EXOC6B: variants seen among roughly 807,000 people sequenced by gnomAD.
EXOC6B encodes SEC15 homolog B.
In EXOC6B, 54 loss-of-function variants were observed where a neutral mutation model predicts 113.5. The observed-to-expected ratio is 0.48, with a 90% CI of 0.38 to 0.60. EXOC6B has a LOEUF of 0.60. EXOC6B is among the 20% of genes least tolerant of loss of function. EXOC6B has a pLI of 0.00. For synonymous variants in EXOC6B, 357 were observed against 339.0 expected (o/e 1.05, Z -0.58); for missense variants, 797 against 977.5 (o/e 0.82, Z 2.46).
chr2:72,564,199 T>C (rs1476848588), intron 7 of EXOC6B, among the ~76,000 whole-genome samples: 1 of 152,136 alleles, frequency 6.6e-6, no homozygotes, highest in Non-Finnish European at 1.5e-5. Flanking sequence ...CACATTAAAA[T>C]AGAAATGCAT....
At chr2:72,740,158 T>C (rs566955588) in intron 2 of EXOC6B, among the ~76,000 whole-genome samples, 1 of 152,266 alleles carries the variant, frequency 6.6e-6, no homozygotes, top group East Asian at 1.9e-4. Context: ...GAATACAATA[T>C]AATGTCTGAC....
chr2:72,496,423 C>T (rs1700035533), intron 14 of EXOC6B, 31 bp downstream of exon 14: 2 of 1,389,698 alleles, frequency 1.4e-6, no homozygotes, highest in South Asian at 1.2e-5. Context: ...GCCAAAACAA[C>T]CAGAGAAATT....
chr2:72,202,637 GA>G (rs1045977939), intron 20 of EXOC6B, among the ~76,000 whole-genome samples: 1 of 147,430 alleles, frequency 6.8e-6, no homozygotes, highest in Non-Finnish European at 1.5e-5. Flanking sequence ...AGCTGTGGGA[GA>G]AAAAAACCTA....
At chr2:72,795,969 G>A (rs958086316) in intron 1 of EXOC6B, among the ~76,000 whole-genome samples, 6 of 151,864 alleles carry the variant, frequency 4.0e-5, no homozygotes, top group Non-Finnish European at 5.9e-5. Flanking sequence ...CTACAGGTGC[G>A]TGCCACCATG....
chr2:72,208,379 C>T (rs571181419), intron 20 of EXOC6B, among the ~76,000 whole-genome samples: 1 of 152,204 alleles, frequency 6.6e-6, no homozygotes, highest in African/African-American at 2.4e-5. Context: ...AGGGTATGGC[C>T]TCTAGCTGCA....
At chr2:72,693,996 G>C (rs1677687046) in intron 6 of EXOC6B, among the ~76,000 whole-genome samples, 1 of 152,134 alleles carries the variant, frequency 6.6e-6, no homozygotes, top group Admixed American at 6.6e-5. Context: ...TGTGACATGA[G>C]ATACTAATGT....
At chr2:72,614,416 T>TGGATC (rs377756254) in intron 6 of EXOC6B, among the ~76,000 whole-genome samples, 18 of 151,632 alleles carry the variant, frequency 1.2e-4, no homozygotes, top group African/African-American at 3.7e-4. Flanking sequence ...AGCCTGTATA[T>TGGATC]GGATCTGGAG....
intron 20 of EXOC6B, among the ~76,000 whole-genome samples, chr2:72,211,075 A>G (rs1253470927): frequency 6.6e-6 from 1 of 151,994 alleles, no homozygotes; most frequent in African/African-American, 2.4e-5. Context: ...TAGCAATTTT[A>G]CCCTCTTCCC....
In EXOC6B at chr2:72,495,542, G is replaced by A. The variant is rs762580245; in HGVS notation, c.1444-3C>T. On this transcript the variant is annotated splice_polypyrimidine_tract_variant and splice_region_variant and intron_variant, in intron 14 of 21. Transcript: ENST00000272427. The stretch of plus-strand genomic sequence containing the variant: ...GGAAACTTTTTTGGAAATGGTTGCT[G>A]TAAATGCAAGAAGTAATGAAATCAA... The A allele has an allele frequency of 2.0e-6, 3 of 1,499,692 alleles. No individual in the cohort carries two copies. The highest frequency in any genetic ancestry group is 2.3e-5 in the East Asian group (1 of 44,090). The allele number at this position is 1,499,692 out of a possible 1,614,324, so 92.9% of individuals were successfully genotyped here.
At position 72,545,701 on chromosome 2, in the gene EXOC6B, C is replaced by T. The variant is rs903971106; in HGVS notation, c.915+13752G>A. On this transcript the variant is annotated intron_variant, in intron 8 of 21. Coordinates refer to ENST00000272427, the MANE Select transcript of EXOC6B (RefSeq NM_015189.3). ...AAAGTGTTATATAAAATCCAAGATGCTATTATGTTAATATATATAAACAAC... is the reference window on the plus strand; with the variant it reads ...AAAGTGTTATATAAAATCCAAGATGTTATTATGTTAATATATATAAACAAC... Among the ~76,000 whole-genome samples, 12 of 152,238 alleles carry T rather than the reference C, an allele frequency of 7.9e-5. No homozygotes were observed. The East Asian group carries it at 2.3e-3, about 29-fold the overall frequency.
rs1553464054 is a variant in EXOC6B at position 72,671,787 on chromosome 2, G to GAAAGAAAGAAAGAAAGAA, written c.669+46298_669+46315dup. ...AGAAAGAAAGAAAGAAAGAAAGAAA[G>GAAAGAAAGAAAGAAAGAA]AAAGAAAGAAAGAAAGAAAGAAAGA... On this transcript the variant is annotated intron_variant, in intron 6 of 21. Coordinates refer to ENST00000272427, the MANE Select transcript of EXOC6B (RefSeq NM_015189.3). 1.3e-3 allele frequency among the ~76,000 whole-genome samples: 135 copies of GAAAGAAAGAAAGAAAGAA among 104,922 alleles called. 1 individual carries two copies. The highest frequency in any genetic ancestry group is 6.6e-3 in the African/African-American group (133 of 20,258). 68.8% of individuals were successfully genotyped at this position (104,922 alleles called of 152,430 possible). A position where few individuals can be genotyped will look rare whatever the true frequency, so the allele number is the denominator to read the frequency against.
rs775765160 is a variant in EXOC6B, at chr2:72,465,202, A to G, written c.1938T>C (p.Ile646=). ...CAGCAAAGGTGCTACGAAGAAAGGCAATGAGGTCTACCAGGTAATCACTAG... is the reference window on the plus strand; with the variant it reads ...CAGCAAAGGTGCTACGAAGAAAGGCGATGAGGTCTACCAGGTAATCACTAG... ...NKASDYLVDL[I]AFLRSTFAVF... The change falls in exon 18 of 22, where the codon ATT becomes ATC. Residue 646 remains isoleucine, a synonymous_variant. Transcript: ENST00000272427. 1.6e-5 allele frequency: 25 copies of G among 1,612,174 alleles called. No individual in the cohort carries two copies. Among genetic ancestry groups the G allele is most frequent in the Non-Finnish European group, 2.0e-5 (24 of 1,179,226 alleles).
intron 20 of EXOC6B, among the ~76,000 whole-genome samples, chr2:72,240,260 A>C (rs1682230030): frequency 6.6e-6 from 1 of 152,212 alleles, no homozygotes; most frequent in African/African-American, 2.4e-5. Flanking sequence ...GTTCCAGGTC[A>C]CAGGGGAAGG....
intron 6 of EXOC6B, among the ~76,000 whole-genome samples, chr2:72,609,638 G>C (rs1038256292): frequency 3.3e-5 from 5 of 151,522 alleles, no homozygotes; most frequent in Admixed American, 1.3e-4. Context: ...TATGATAAAA[G>C]TATAATTGGA....
chr2:72,765,588 A>G (rs1683009973), intron 1 of EXOC6B, among the ~76,000 whole-genome samples: 1 of 152,050 alleles, frequency 6.6e-6, no homozygotes, highest in South Asian at 2.1e-4. Context: ...CGGGAGAATC[A>G]CTTGAACCCG....
chr2:72,465,410 G>C, intron 17 of EXOC6B, 71 bp from the exon 18 acceptor site: 1 of 1,187,862 alleles, frequency 8.4e-7, no homozygotes, highest in Non-Finnish European at 1.2e-6. Context: ...TGAGCTTAGA[G>C]CCATCTGACA....
chr2:72,701,919 CTTTT>C (rs926573584), intron 6 of EXOC6B, among the ~76,000 whole-genome samples: 1 of 142,074 alleles, frequency 7.0e-6, no homozygotes, highest in African/African-American at 2.6e-5. Context: ...ACTTGTATTT[CTTTT>C]TTTTTTTTTA....
intron 6 of EXOC6B, among the ~76,000 whole-genome samples, chr2:72,682,722 C>A (rs189836991): frequency 1.9e-4 from 29 of 152,216 alleles, no homozygotes; most frequent in Middle Eastern, 3.4e-3. Flanking sequence ...TATTTATAAA[C>A]AAAGCCGAAA....
chr2:72,823,496 G>C (rs1436780467), intron 1 of EXOC6B, among the ~76,000 whole-genome samples: 4 of 61,896 alleles, frequency 6.5e-5, no homozygotes, highest in African/African-American at 1.1e-4. Flanking sequence ...CAAAAAAAAA[G>C]ACAGTGGCCA....
Sources: allele counts gnomAD v4.1 joint callset (sites outside exome capture counted in the v4.1 genomes callset), GRCh38; gene constraint gnomAD v4.1.1; transcripts MANE v1.5; gene names NCBI Gene and HGNC (gene_info 2026-07-23, HGNC 2026-07-21).